The following TMEM132C variants were observed in gnomAD, a reference collection of about 807,000 sequenced individuals.
The protein encoded by TMEM132C is transmembrane protein 132C.
Under a neutral mutation model 61.4 loss-of-function variants are expected in TMEM132C, and 29 were observed. That is an observed-to-expected ratio of 0.47 (90% CI 0.35 to 0.64). The LOEUF (loss-of-function observed/expected upper bound fraction) is 0.64. TMEM132C is among the 30% of genes least tolerant of loss of function. TMEM132C has a pLI of 0.00. For missense variants in TMEM132C, 1,408 were observed against 1,476.9 expected (o/e 0.95, Z 0.76); for synonymous variants, 656 against 633.1 (o/e 1.04, Z -0.54).
chr12:128,623,992 C>T (rs142387476), intron 4 of TMEM132C, among the ~76,000 whole-genome samples: 2,025 of 152,236 alleles, frequency 0.013, 37 homozygotes, highest in South Asian at 0.056. Flanking sequence ...TTGGAGTTTG[C>T]GTAAGGTAGG....
intron 2 of TMEM132C, among the ~76,000 whole-genome samples, chr12:128,434,861 A>G (rs1397740417): frequency 1.3e-5 from 2 of 151,060 alleles, no homozygotes; most frequent in African/African-American, 2.4e-5. Context: ...AGCTCAGGCA[A>G]TCTGCCTGCC....
rs992276428 is a variant in TMEM132C at position 128,530,690 on chromosome 12, G to A, written c.975-13267G>A. ...GAACTAATGACCTCGTGATCCACCC[G>A]CCTTGGCCTCCCAAAGTGCTGGGAT... On this transcript the variant is annotated intron_variant, in intron 2 of 8. Coordinates refer to ENST00000435159, the MANE Select transcript of TMEM132C (RefSeq NM_001136103.3). Among the ~76,000 whole-genome samples the A allele has an allele frequency of 7.9e-5, 12 of 152,264 alleles. No individual in the cohort carries two copies. In the East Asian group the frequency reaches 1.2e-3, roughly 15 times the overall value.
chr12:128,499,227 T>C (rs1339154483), intron 2 of TMEM132C, among the ~76,000 whole-genome samples: 2 of 152,208 alleles, frequency 1.3e-5, no homozygotes, highest in Admixed American at 1.3e-4. Flanking sequence ...AAACACCAAG[T>C]AATGGTCAAT....
chr12:128,449,127 ACT>A (rs1473796168), intron 2 of TMEM132C, among the ~76,000 whole-genome samples: 16 of 122,722 alleles, frequency 1.3e-4, no homozygotes, highest in African/African-American at 4.2e-4. Context: ...GCAGAGCGAG[ACT>A]CTGTCTCAAA....
At chr12:128,571,207 C>T (rs568419041) in intron 3 of TMEM132C, among the ~76,000 whole-genome samples, 17 of 152,246 alleles carry the variant, frequency 1.1e-4, no homozygotes, top group South Asian at 6.2e-4. Flanking sequence ...GATGACATTG[C>T]GGAGTCACCG....
chr12:128,345,573 CT>C (rs1873133472), intron 1 of TMEM132C, among the ~76,000 whole-genome samples: 1 of 152,176 alleles, frequency 6.6e-6, no homozygotes, highest in Non-Finnish European at 1.5e-5. Flanking sequence ...TCGCCTCCGT[CT>C]GTTATTTTTT....
At chr12:128,270,478 A>G (rs1870472128) in intron 1 of TMEM132C, among the ~76,000 whole-genome samples, 1 of 152,188 alleles carries the variant, frequency 6.6e-6, no homozygotes, top group Admixed American at 6.5e-5. Context: ...TTGGCCACGG[A>G]ATGAATTAAA....
At chr12:128,564,299 G>A (rs376748309) in intron 3 of TMEM132C, among the ~76,000 whole-genome samples, 5 of 152,266 alleles carry the variant, frequency 3.3e-5, no homozygotes, top group Admixed American at 2.0e-4. Context: ...ACAGATATGC[G>A]GGTCACAACA....
chr12:128,358,228 A>G (rs1873581749), intron 1 of TMEM132C, among the ~76,000 whole-genome samples: 1 of 152,132 alleles, frequency 6.6e-6, no homozygotes, highest in Non-Finnish European at 1.5e-5. Flanking sequence ...CAGAAGAGGT[A>G]GGTTTACAAA....
rs553537461 is a variant in TMEM132C, at chr12:128,544,995, G to C, written c.1121+892G>C. Among the ~76,000 whole-genome samples, 64 of 152,194 alleles carry C rather than the reference G, an allele frequency of 4.2e-4. 1 individual carries two copies. The highest frequency in any genetic ancestry group is 3.3e-3 in the Admixed American group (50 of 15,278). Reference sequence around the variant, plus strand: ...ATTTCAACTTTTATTTTAGATTCAGGGGGTACATGTGCAGGTTTGTTACGT... The same window carrying C: ...ATTTCAACTTTTATTTTAGATTCAGCGGGTACATGTGCAGGTTTGTTACGT... On this transcript the variant is annotated intron_variant, in intron 3 of 8. Transcript: ENST00000435159.
Position 128,622,972 on chromosome 12 carries a change from A to G in TMEM132C, c.1305+6637A>G, listed in dbSNP as rs540381399. Among the ~76,000 whole-genome samples the G allele has an allele frequency of 5.2e-4, 79 of 152,162 alleles. 1 individual carries two copies. Among genetic ancestry groups the G allele is most frequent in the Admixed American group, 9.8e-4 (15 of 15,278 alleles). ...TGAAAAATAACTATATGGACAGAAT[A>G]AGTATTTTCTTGTCACAGCTGGAAA... On this transcript the variant is annotated intron_variant, in intron 4 of 8. Coordinates refer to ENST00000435159, the MANE Select transcript of TMEM132C (RefSeq NM_001136103.3).
At chr12:128,654,221 G>A (rs766305338) in intron 4 of TMEM132C, among the ~76,000 whole-genome samples, 8 of 152,138 alleles carry the variant, frequency 5.3e-5, no homozygotes, top group Non-Finnish European at 1.0e-4. Context: ...AATGACTGGT[G>A]TCCCTATAGG....
At chr12:128,600,770 T>A (rs1873157) in intron 3 of TMEM132C, among the ~76,000 whole-genome samples, 1 of 152,226 alleles carries the variant, frequency 6.6e-6, no homozygotes, top group Admixed American at 6.5e-5. Context: ...CTTCTGCACC[T>A]CTCCCACTGT....
intron 2 of TMEM132C, among the ~76,000 whole-genome samples, chr12:128,491,892 G>T (rs1871743174): frequency 6.6e-6 from 1 of 150,730 alleles, no homozygotes; most frequent in Admixed American, 6.6e-5. Flanking sequence ...GGGTACATGT[G>T]CACAACATGC....
At chr12:128,470,246 CT>C (rs1246831004) in intron 2 of TMEM132C, among the ~76,000 whole-genome samples, 2 of 152,176 alleles carry the variant, frequency 1.3e-5, no homozygotes, top group Non-Finnish European at 2.9e-5. Context: ...GGCTTGTCGA[CT>C]TACCATCCTG....
intron 2 of TMEM132C, among the ~76,000 whole-genome samples, chr12:128,446,713 A>C (rs1425638031): frequency 6.6e-6 from 1 of 152,084 alleles, no homozygotes; most frequent in Non-Finnish European, 1.5e-5. Context: ...ATGGGACCCC[A>C]TGCTTCAGAA....
At chr12:128,593,210 T>C (rs1875820800) in intron 3 of TMEM132C, among the ~76,000 whole-genome samples, 1 of 151,174 alleles carries the variant, frequency 6.6e-6, no homozygotes, top group African/African-American at 2.4e-5. Context: ...CTTTCTTTTC[T>C]TTCTTTCTTC....
At chr12:128,462,093 A>ATTTGTTTG (rs113307316) in intron 2 of TMEM132C, among the ~76,000 whole-genome samples, 5 of 151,538 alleles carry the variant, frequency 3.3e-5, no homozygotes, top group African/African-American at 1.2e-4. Flanking sequence ...CTGTTATTTT[A>ATTTGTTTG]TTTGTTTGTT....
intron 2 of TMEM132C, among the ~76,000 whole-genome samples, chr12:128,467,711 C>G (rs1196793652): frequency 6.6e-6 from 1 of 152,010 alleles, no homozygotes; most frequent in African/African-American, 2.4e-5. Context: ...GATGAAGAGC[C>G]CAGACTGGAG....
Sources: allele counts gnomAD v4.1 joint callset (sites outside exome capture counted in the v4.1 genomes callset), GRCh38; gene constraint gnomAD v4.1.1; transcripts MANE v1.5; gene names NCBI Gene and HGNC (gene_info 2026-07-23, HGNC 2026-07-21).